Variants in RNF144B observed in about 807,000 individuals in gnomAD.
The protein encoded by RNF144B is ring finger protein 144B.
In RNF144B, 25 loss-of-function variants were observed where a neutral mutation model predicts 40.2. The observed-to-expected ratio is 0.62, with a 90% CI of 0.45 to 0.87. The LOEUF is 0.87. Among genes scored for constraint, RNF144B ranks in the 40% least tolerant of loss-of-function variants. The pLI is 0.00. For missense variants in RNF144B, 365 were observed against 373.7 expected (o/e 0.98, Z 0.19); for synonymous variants, 145 against 136.3 (o/e 1.06, Z -0.44).
chr6:18,428,230 C>A (rs947882468), intron 3 of RNF144B, among the ~76,000 whole-genome samples: 3 of 152,128 alleles, frequency 2.0e-5, no homozygotes, highest in African/African-American at 7.2e-5. Flanking sequence ...TTTCTGAGAC[C>A]TTCCCAGGTC....
Position 18,398,902 on chromosome 6 carries a change from G to T in RNF144B, c.-36-597G>T, listed in dbSNP as rs146619606. On this transcript the variant is annotated intron_variant, in intron 1 of 7. Transcript: ENST00000259939. The surrounding 1 kb of genome is among the most constrained non-coding windows in gnomAD (Gnocchi z 5.0). ...AAGTACTTTTTGAGTCTGTTGAATT[G>T]ATTGTAGTGATGCAACTCCTAAATA... Among the ~76,000 whole-genome samples, 3 of 152,266 alleles carry T rather than the reference G, an allele frequency of 2.0e-5. No individual in the cohort carries two copies. The East Asian group carries it at 5.8e-4, about 29-fold the overall frequency.
chr6:18,449,750 C>T lies in RNF144B; in HGVS notation c.332-7405C>T, dbSNP rs113643815. Among the ~76,000 whole-genome samples the T allele has an allele frequency of 2.1e-3, 325 of 151,724 alleles. 1 individual carries two copies. The highest frequency in any genetic ancestry group is 7.4e-3 in the African/African-American group (308 of 41,420). On this transcript the variant is annotated intron_variant, in intron 4 of 7. Coordinates refer to ENST00000259939, the MANE Select transcript of RNF144B (RefSeq NM_182757.4). The stretch of plus-strand genomic sequence containing the variant: ...TAACTAAAATTAACATATGCGTTAT[C>T]TATCTTATGTAGTCATTGTTTTTGT...
Position 18,463,374 on chromosome 6 carries a change from A to G in RNF144B, c.765A>G (p.Arg255=). 1.2e-6 allele frequency: 2 copies of G among 1,600,106 alleles called. No individual in the cohort carries two copies. Among genetic ancestry groups the G allele is most frequent in the Non-Finnish European group, 1.7e-6 (2 of 1,167,234 alleles). Residue 255 remains arginine (R), a synonymous_variant, in exon 7 of 8, where the codon CGA becomes CGG. Transcript: ENST00000259939. ...CAAGAGCATCAGTGATGTGGAACCG[A>G]ACACAGGTACCCTGACCTTATAGGG... ...GHSRASVMWN[R]TQVVGILVGL...
Position 18,414,309 on chromosome 6 carries a change from T to C in RNF144B, c.166-13272T>C, listed in dbSNP as rs1240604196. 6.6e-6 allele frequency among the ~76,000 whole-genome samples: 1 copy of C among 152,162 alleles called. No individual in the cohort carries two copies. The highest frequency in any genetic ancestry group is 1.5e-5 in the Non-Finnish European group (1 of 68,022). On this transcript the variant is annotated intron_variant, in intron 2 of 7. Transcript: ENST00000259939. This position sits in a 1 kb window ranked among gnomAD's most constrained non-coding sequence, Gnocchi z 4.9. The stretch of plus-strand genomic sequence containing the variant: ...CTCAAGAGGAAGTTTAAGGGTTAGG[T>C]CTATTCTTAACTGATGTCCCTTGTT...
chr6:18,445,887 A>G (rs1377623808), intron 4 of RNF144B, among the ~76,000 whole-genome samples: 1 of 152,234 alleles, frequency 6.6e-6, no homozygotes, highest in Non-Finnish European at 1.5e-5. Flanking sequence ...TCTGTATTAT[A>G]ACTGTGTTTC....
In RNF144B at chr6:18,444,238, C is replaced by T. The variant is rs763602219; in HGVS notation, c.331+4494C>T. 7.2e-5 allele frequency among the ~76,000 whole-genome samples: 11 copies of T among 152,180 alleles called. No individual in the cohort carries two copies. The highest frequency in any genetic ancestry group is 1.2e-4 in the Non-Finnish European group (8 of 68,038). Reference sequence around the variant, plus strand: ...TACTATCTGATATTGGTTGGTTATTCTACCCGCTTTCCACCCATCTGTGAC... The same window carrying T: ...TACTATCTGATATTGGTTGGTTATTTTACCCGCTTTCCACCCATCTGTGAC... On this transcript the variant is annotated intron_variant, in intron 4 of 7. Coordinates refer to ENST00000259939, the MANE Select transcript of RNF144B (RefSeq NM_182757.4). This position sits in a 1 kb window ranked among gnomAD's most constrained non-coding sequence, Gnocchi z 4.3.
chr6:18,409,554 G>A, intron 2 of RNF144B, among the ~76,000 whole-genome samples: 1 of 120,020 alleles, frequency 8.3e-6, no homozygotes, highest in Non-Finnish European at 1.8e-5. Context: ...AACTTCACTT[G>A]CATAACCTTT....
At chr6:18,403,415 A>G (rs1260925004) in intron 2 of RNF144B, among the ~76,000 whole-genome samples, 1 of 152,236 alleles carries the variant, frequency 6.6e-6, no homozygotes, top group African/African-American at 2.4e-5. Flanking sequence ...GGCATGGCCT[A>G]TTTACCTTTC....
Position 18,412,758 on chromosome 6 carries a change from G to A in RNF144B, c.165+13059G>A, listed in dbSNP as rs547180111. On this transcript the variant is annotated intron_variant, in intron 2 of 7. Coordinates refer to ENST00000259939, the MANE Select transcript of RNF144B (RefSeq NM_182757.4). The surrounding 1 kb of genome is among the most constrained non-coding windows in gnomAD (Gnocchi z 4.2). ...ATTCCAGATATGCAGTGTACCCCTT[G>A]GAATCAGGTGAGACACAGTGCCTCA... Among the ~76,000 whole-genome samples, 1 of 152,202 alleles carries A rather than the reference G, an allele frequency of 6.6e-6. No individual in the cohort carries two copies. The highest frequency in any genetic ancestry group is 2.1e-4 in the South Asian group (1 of 4,830).
intron 4 of RNF144B, among the ~76,000 whole-genome samples, chr6:18,451,454 G>C (rs1759208268): frequency 2.6e-5 from 4 of 152,142 alleles, no homozygotes; most frequent in African/African-American, 9.7e-5. Context: ...AAGAAACCTA[G>C]AAGTAAGACC....
chr6:18,451,266 G>C (rs12193483), intron 4 of RNF144B, among the ~76,000 whole-genome samples: 1 of 151,774 alleles, frequency 6.6e-6, no homozygotes, highest in Non-Finnish European at 1.5e-5. Context: ...ATGTGCCCAG[G>C]GTCTCTAACA....
intron 2 of RNF144B, among the ~76,000 whole-genome samples, chr6:18,407,992 T>C (rs1421678232): frequency 2.0e-5 from 3 of 150,050 alleles, no homozygotes; most frequent in Non-Finnish European, 4.5e-5. Flanking sequence ...TTCTTTTTTT[T>C]TTTTTTTTTC....
chr6:18,409,120 G>A (rs1562043317), intron 2 of RNF144B, among the ~76,000 whole-genome samples: 1 of 151,842 alleles, frequency 6.6e-6, no homozygotes, highest in Non-Finnish European at 1.5e-5. Context: ...GCTAGGTGTG[G>A]TGTCTCATGC....
intron 1 of RNF144B, among the ~76,000 whole-genome samples, chr6:18,399,010 G>A (rs1311150726): frequency 6.6e-6 from 1 of 152,184 alleles, no homozygotes; most frequent in Non-Finnish European, 1.5e-5. Context: ...ACAATGTGAT[G>A]TTTTGCTCTA....
rs1360776895 is a variant in RNF144B at position 18,466,427 on chromosome 6, A to C, written c.*1360A>C. ...CGCAACAAAAACATGTAAGAAATAA[A>C]ATAGAAATGCTTTATATAATTTAGT... On this transcript the variant is annotated 3_prime_UTR_variant, in exon 8 of 8. Coordinates refer to ENST00000259939, the MANE Select transcript of RNF144B (RefSeq NM_182757.4). The C allele has an allele frequency of 6.6e-6, 1 of 151,982 alleles. No homozygotes were observed. The highest frequency in any genetic ancestry group is 1.5e-5 in the Non-Finnish European group (1 of 68,036). 9.4% of individuals were successfully genotyped at this position (151,982 alleles called of 1,614,324 possible).
chr6:18,407,250 G>T (rs1048963064), intron 2 of RNF144B, among the ~76,000 whole-genome samples: 2 of 152,082 alleles, frequency 1.3e-5, no homozygotes, highest in Admixed American at 1.3e-4. Flanking sequence ...TAAACTACAG[G>T]GGCCAGGGTG....
intron 4 of RNF144B, among the ~76,000 whole-genome samples, chr6:18,440,673 G>A (rs956803375): frequency 1.3e-5 from 2 of 150,648 alleles, no homozygotes; most frequent in Non-Finnish European, 3.0e-5. Flanking sequence ...GAAAAAAAAC[G>A]TACAGAGCAT....
chr6:18,451,895 G>A (rs1181626415), intron 4 of RNF144B, among the ~76,000 whole-genome samples: 1 of 152,208 alleles, frequency 6.6e-6, no homozygotes, highest in Admixed American at 6.5e-5. Context: ...GAGGTTTAAT[G>A]TTTAAGTGCT....
At chr6:18,438,426 C>T (rs965383284) in intron 3 of RNF144B, among the ~76,000 whole-genome samples, 3 of 152,030 alleles carry the variant, frequency 2.0e-5, no homozygotes, top group Non-Finnish European at 4.4e-5. Context: ...GCAACATTTT[C>T]TCCCCAACTG....
Sources: gnomAD v4.1 joint callset for allele counts (sites outside exome capture counted in the v4.1 genomes callset) on GRCh38, gnomAD v4.1.1 for gene constraint, Gnocchi (gnomAD v3.1) non-coding constraint, MANE v1.5 for transcripts, NCBI Gene and HGNC (gene_info 2026-07-23, HGNC 2026-07-21) for gene names.